The following MYH3 variants were observed in gnomAD, a reference collection of about 807,000 sequenced individuals.
The protein encoded by MYH3 is myosin-3.
Under a neutral mutation model 238.0 loss-of-function variants are expected in MYH3, and 130 were observed. That is an observed-to-expected ratio of 0.55 (90% CI 0.47 to 0.63). The LOEUF (loss-of-function observed/expected upper bound fraction) is 0.63, where lower values mean the gene tolerates loss of function less well. MYH3 is among the 30% of genes least tolerant of loss of function. The pLI, the probability that MYH3 is intolerant of heterozygous loss-of-function variation, is 0.00. For synonymous variants in MYH3, 880 were observed against 924.1 expected (o/e 0.95, Z 0.86); for missense variants, 1,853 against 2,374.9 (o/e 0.78, Z 4.57).
chr17:10,642,328 G>T lies in MYH3; in HGVS notation c.1889-18C>A. The T allele has an allele frequency of 6.2e-7, 1 of 1,614,040 alleles. No homozygotes were observed. The highest frequency in any genetic ancestry group is 1.1e-5 in the South Asian group (1 of 91,066). ...ACTGTCAGCTGAAAGCAATAAGGGAGGGCACGTGCTGTAGGTGAATCTAAA... is the reference window on the plus strand; with the variant it reads ...ACTGTCAGCTGAAAGCAATAAGGGATGGCACGTGCTGTAGGTGAATCTAAA... On this transcript the variant is annotated intron_variant, in intron 16 of 40. Coordinates refer to ENST00000583535, the MANE Select transcript of MYH3 (RefSeq NM_002470.4). The surrounding 1 kb of genome is among the most constrained non-coding windows in gnomAD (Gnocchi z 5.4).
chr17:10,647,843 C>A (rs1225132623), intron 8 of MYH3, among the ~76,000 whole-genome samples: 1 of 152,146 alleles, frequency 6.6e-6, no homozygotes, highest in Admixed American at 6.6e-5. Context: ...GTGCCCAGCA[C>A]CCCCTACAGT....
At chr17:10,651,706 T>C in intron 4 of MYH3, 38 bp from the exon 5 acceptor site, 1 of 1,607,704 alleles carries the variant, frequency 6.2e-7, no homozygotes, top group South Asian at 1.1e-5. Flanking sequence ...TATATGTATG[T>C]ATGTGCATAT....
In MYH3 at chr17:10,640,662, T is replaced by A; in HGVS notation, c.2190A>T (p.Ala730=). Residue 730 remains alanine, a synonymous_variant, in exon 20 of 41, where the codon GCA becomes GCT. Transcript: ENST00000583535. The part of the protein sequence containing the change: ...KQRYRVLNAS[A]IPEGQFIDSK... ...TGTCAATGAATTGTCCCTCAGGGATTGCACTGGCATTCAGCACTCGGTATC... is the reference window on the plus strand; with the variant it reads ...TGTCAATGAATTGTCCCTCAGGGATAGCACTGGCATTCAGCACTCGGTATC... The A allele has an allele frequency of 6.2e-7, 1 of 1,614,232 alleles. No homozygotes were observed. The highest frequency in any genetic ancestry group is 8.5e-7 in the Non-Finnish European group (1 of 1,180,020).
chr17:10,652,044 TTTA>T (rs2074381185), intron 4 of MYH3: 1 of 388,764 alleles, frequency 2.6e-6, no homozygotes, highest in South Asian at 2.2e-5. Flanking sequence ...CCCAGCTGCC[TTTA>T]TTATTATCTC....
At position 10,634,922 on chromosome 17, in the gene MYH3, T is replaced by C; in HGVS notation, c.4274A>G (p.Glu1425Gly). 2 of 1,613,982 alleles carry C rather than the reference T, an allele frequency of 1.2e-6. No homozygotes were observed. Among genetic ancestry groups the C allele is most frequent in the Non-Finnish European group, 1.7e-6 (2 of 1,180,000 alleles). The change falls in exon 31 of 41, where the codon GAG becomes GGG. Residue 1425 changes from glutamate (E) to glycine (G), a missense_variant. By Grantham distance (98) the Glu-to-Gly change is moderately conservative (BLOSUM62 -2). Transcript: ENST00000583535. Reference sequence around the variant, plus strand: ...AACATCAACCATCAGATCCTCCACCTCTCCTTGCAGCCTCTGCTTGGTCTT... The same window carrying C: ...AACATCAACCATCAGATCCTCCACCCCTCCTTGCAGCCTCTGCTTGGTCTT... ...LEKTKQRLQG[E>G]VEDLMVDVER...
Position 10,646,040 on chromosome 17 carries a change from G to A in MYH3, c.899-8C>T, listed in dbSNP as rs1392925981. The stretch of plus-strand genomic sequence containing the variant: ...TCGTAATAAGCAGCAGCTCTGAAAT[G>A]ACAAATAGTTCCAGGAGGTTATGCA... On this transcript the variant is annotated splice_region_variant and splice_polypyrimidine_tract_variant and intron_variant, in intron 10 of 40. Transcript: ENST00000583535. 3.1e-6 allele frequency: 5 copies of A among 1,609,062 alleles called. No individual in the cohort carries two copies. Among genetic ancestry groups the A allele is most frequent in the African/African-American group, 1.3e-5 (1 of 74,782 alleles).
In MYH3 at chr17:10,640,323, C is replaced by T; in HGVS notation, c.2426+10G>A. ...AAAGAGCTCATGTCTGAACAAAGAC[C>T]CTGCTGGACCTCCTCTGCACCATCT... On this transcript the variant is annotated intron_variant, in intron 21 of 40. Coordinates refer to ENST00000583535, the MANE Select transcript of MYH3 (RefSeq NM_002470.4). 6.2e-7 allele frequency: 1 copy of T among 1,614,202 alleles called. No individual in the cohort carries two copies. The highest frequency in any genetic ancestry group is 8.5e-7 in the Non-Finnish European group (1 of 1,180,036).
At chr17:10,664,030 T>C in the MYH3 span, among the ~76,000 whole-genome samples, 3 of 128,370 alleles carry the variant, frequency 2.3e-5, no homozygotes, top group African/African-American at 9.4e-5. Context: ...GCCATTGCAC[T>C]CCAGCCTGGG....
At chr17:10,650,526 C>T in intron 5 of MYH3, 125 bp from the exon 6 acceptor site, 2 of 845,116 alleles carry the variant, frequency 2.4e-6, no homozygotes, top group Admixed American at 2.2e-5. Flanking sequence ...TTTGTTTAGC[C>T]TTTAGGTGGG....
At position 10,634,823 on chromosome 17, in the gene MYH3, C is replaced by T; in HGVS notation, c.4356+17G>A. On this transcript the variant is annotated intron_variant, in intron 31 of 40. Coordinates refer to ENST00000583535, the MANE Select transcript of MYH3 (RefSeq NM_002470.4). Reference sequence around the variant, plus strand: ...CTTACATCATGGCATTCACCCAGCACACAGCGGACCCCACACCTTGTCAAA... The same window carrying T: ...CTTACATCATGGCATTCACCCAGCATACAGCGGACCCCACACCTTGTCAAA... 6.2e-7 allele frequency: 1 copy of T among 1,614,168 alleles called. No homozygotes were observed. Among genetic ancestry groups the T allele is most frequent in the Non-Finnish European group, 8.5e-7 (1 of 1,180,028 alleles).
At position 10,640,673 on chromosome 17, in the gene MYH3, T is replaced by G; in HGVS notation, c.2179A>C (p.Asn727His). 6.2e-7 allele frequency: 1 copy of G among 1,614,176 alleles called. No individual in the cohort carries two copies. The highest frequency in any genetic ancestry group is 1.1e-5 in the South Asian group (1 of 91,088). ...GDFKQRYRVL[N>H]ASAIPEGQFI... is the part of the protein sequence containing the mutation. ...TGTCCCTCAGGGATTGCACTGGCAT[T>G]CAGCACTCGGTATCTGCATTGTAGA... is the stretch of plus-strand genomic sequence containing the variant. Residue 727 changes from asparagine (N) to histidine (H), a missense_variant, in exon 20 of 41, where the codon AAT (asparagine) becomes CAT (histidine). This residue lies in a region of MYH3 where 678 missense variants were observed against 1,058.9 expected (regional missense o/e 0.64). Transcript: ENST00000583535.
chr17:10,632,044 T>C (rs760113280), intron 34 of MYH3, 28 bp from the exon 35 acceptor site: 2 of 1,610,216 alleles, frequency 1.2e-6, no homozygotes, highest in Admixed American at 3.3e-5. Flanking sequence ...AACATTCTAT[T>C]TGAAGTTGAG....
chr17:10,660,071 C>T (rs958395939), upstream of MYH3, among the ~76,000 whole-genome samples: 1 of 152,222 alleles, frequency 6.6e-6, no homozygotes, highest in African/African-American at 2.4e-5. Context: ...TCCCGGCTTG[C>T]CCGCTTGCAC....
Position 10,631,841 on chromosome 17 carries a change from T to G in MYH3, c.5132A>C (p.Asn1711Thr). Residue 1711 changes from asparagine to threonine, a missense_variant, in exon 35 of 41, where the codon AAC (asparagine) becomes ACC (threonine). Asn to Thr is a moderately conservative substitution (Grantham distance 65). Coordinates refer to ENST00000583535, the MANE Select transcript of MYH3 (RefSeq NM_002470.4). ...KLAEQELLDSNERVQLLHTQN... is the reference protein window; with the variant it reads ...KLAEQELLDSTERVQLLHTQN... Reference sequence around the variant, plus strand: ...GGTATGCAGCAGCTGCACCCTCTCGTTGGAGTCCAGGAGCTCCTGTTCCGC... The same window carrying G: ...GGTATGCAGCAGCTGCACCCTCTCGGTGGAGTCCAGGAGCTCCTGTTCCGC... 1 of 1,614,128 alleles carries G rather than the reference T, an allele frequency of 6.2e-7. No homozygotes were observed. Among genetic ancestry groups the G allele is most frequent in the Non-Finnish European group, 8.5e-7 (1 of 1,180,006 alleles).
At chr17:10,644,810 C>T in intron 12 of MYH3, 108 bp from the exon 13 acceptor site, 1 of 870,616 alleles carries the variant, frequency 1.1e-6, no homozygotes, top group South Asian at 1.4e-5. Context: ...TGTGCATTCC[C>T]TGTGGCTAAA....
At chr17:10,630,852 G>A (rs12451903) in intron 36 of MYH3, among the ~76,000 whole-genome samples, 38,620 of 151,818 alleles carry the variant, frequency 0.25, 5,643 homozygotes, top group Non-Finnish European at 0.34. Context: ...ACTCCATCTC[G>A]GGGGTGGGGG....
In MYH3 at chr17:10,642,686, A is replaced by T; in HGVS notation, c.1619T>A (p.Met540Lys). The change falls in exon 16 of 41, where the codon ATG (methionine) becomes AAG (lysine). Residue 540 changes from methionine (M) to lysine (K), a missense_variant. Physicochemically the swap from Met to Lys is moderately conservative, Grantham distance 95 (BLOSUM62 -1). Coordinates refer to ENST00000583535, the MANE Select transcript of MYH3 (RefSeq NM_002470.4). This position sits in a 1 kb window ranked among gnomAD's most constrained non-coding sequence, Gnocchi z 5.4. ...GGAGGTGTCTGTTGCCTTGGGGAAC[A>T]TGCACTCCTCTTCCAGGATGGAGAA... ...GIFSILEEEC[M>K]FPKATDTSFK... The T allele has an allele frequency of 6.2e-7, 1 of 1,614,234 alleles. No homozygotes were observed. Among genetic ancestry groups the T allele is most frequent in the Non-Finnish European group, 8.5e-7 (1 of 1,180,050 alleles).
chr17:10,653,859 C>T (rs2074401925), intron 3 of MYH3, among the ~76,000 whole-genome samples: 2 of 152,200 alleles, frequency 1.3e-5, no homozygotes, highest in Non-Finnish European at 2.9e-5. Context: ...ATCTAGCTTC[C>T]TCCTTCCCTG....
the MYH3 span, among the ~76,000 whole-genome samples, chr17:10,667,682 A>T: frequency 9.1e-4 from 61 of 66,830 alleles, no homozygotes; most frequent in African/African-American, 0.013. Context: ...ACTCTGTCTA[A>T]AAAAAAAAAA....
Sources: gnomAD v4.1 joint callset for allele counts (sites outside exome capture counted in the v4.1 genomes callset) on GRCh38, gnomAD v4.1.1 for gene constraint, gnomAD v4.1.1 regional missense constraint, Gnocchi (gnomAD v3.1) non-coding constraint, MANE v1.5 for transcripts, NCBI Gene and HGNC (gene_info 2026-07-23, HGNC 2026-07-21) for gene names.